Variants in KLHDC9 observed in about 807,000 individuals in gnomAD.
KLHDC9 encodes kelch domain containing 9.
KLHDC9 carries 26 observed loss-of-function variants against 31.5 expected under a neutral mutation model. The observed-to-expected ratio is 0.83, with a 90% CI of 0.61 to 1.15. The LOEUF (loss-of-function observed/expected upper bound fraction) is 1.15. KLHDC9 is among the 50% of genes most tolerant of loss of function. The pLI is 0.00. For synonymous variants in KLHDC9, 176 were observed against 184.7 expected (o/e 0.95, Z 0.38); for missense variants, 437 against 467.7 (o/e 0.93, Z 0.61).
In KLHDC9 at chr1:161,098,413, C is replaced by T. The variant is rs1448440357; in HGVS notation, c.-123C>T. On this transcript the variant is annotated 5_prime_UTR_variant, in exon 1 of 4. Coordinates refer to ENST00000368011, the MANE Select transcript of KLHDC9 (RefSeq NM_152366.5). This position sits in a 1 kb window ranked among gnomAD's most constrained non-coding sequence, Gnocchi z 6.3. ...GAAAGCCGGGACTTGAGGTGGGAAC[C>T]CCGGCTGGCGTCCGGTAGGGGGAGG... 9 of 883,814 alleles carry T rather than the reference C, an allele frequency of 1.0e-5. No homozygotes were observed. The highest frequency in any genetic ancestry group is 2.9e-5 in the East Asian group (1 of 34,464). The allele number at this position is 883,814 out of a possible 1,614,324, so 54.7% of individuals were successfully genotyped here. A position where few individuals can be genotyped will look rare whatever the true frequency, so the allele number is the denominator to read the frequency against.
At position 161,099,738 on chromosome 1, in the gene KLHDC9, AG is replaced by A; in HGVS notation, c.829del (p.Glu277LysfsTer3). The A allele has an allele frequency of 6.2e-7, 1 of 1,614,048 alleles. No homozygotes were observed. The highest frequency in any genetic ancestry group is 8.5e-7 in the Non-Finnish European group (1 of 1,180,008). On this transcript the variant is annotated frameshift_variant, in exon 3 of 4. Coordinates refer to ENST00000368011, the MANE Select transcript of KLHDC9 (RefSeq NM_152366.5). LOFTEE classifies it high-confidence loss of function. ...VGPFAVLFGG[E>X]TLTRARDTIC... ...GGCCCTTTGCTGTGCTGTTTGGTGG[AG>A]AAACTCTGACCAGAGCTAGAGACAC...
chr1:161,098,755 CG>C lies in KLHDC9; in HGVS notation c.224del (p.Gly75AlafsTer33). On this transcript the variant is annotated frameshift_variant, in exon 1 of 4. Transcript: ENST00000368011. LOFTEE classifies it high-confidence loss of function. This position sits in a 1 kb window ranked among gnomAD's most constrained non-coding sequence, Gnocchi z 6.3. ...ARGQAVRLGA[R>X]GSPPRSHHDA... Reference sequence around the variant, plus strand: ...GGGCCAGGCCGTACGATTGGGAGCCCGGGGCAGCCCCCCGCGCAGTCACCAC... The same window carrying C: ...GGGCCAGGCCGTACGATTGGGAGCCCGGGCAGCCCCCCGCGCAGTCACCAC... The C allele has an allele frequency of 6.2e-7, 1 of 1,603,264 alleles. No homozygotes were observed. The highest frequency in any genetic ancestry group is 8.5e-7 in the Non-Finnish European group (1 of 1,174,752).
intron 2 of KLHDC9, 22 bp from the exon 3 acceptor site, chr1:161,099,576 C>G (rs779351519): frequency 6.2e-7 from 1 of 1,614,182 alleles, no homozygotes; most frequent in Non-Finnish European, 8.5e-7. Flanking sequence ...TCTCTTCGGA[C>G]AGTCCTTTCT....
At position 161,098,542 on chromosome 1, in the gene KLHDC9, G is replaced by C. The variant is rs773460547; in HGVS notation, c.7G>C (p.Val3Leu). MA[V>L]AVPPGRAAGS... ...CTCCCTCTCCCCGGGGCCCATGGCG[G>C]TGGCCGTGCCCCCGGGTCGGGCCGC... The change falls in exon 1 of 4, where the codon GTG (valine) becomes CTG (leucine). Residue 3 changes from valine (V) to leucine (L), a missense_variant. Coordinates refer to ENST00000368011, the MANE Select transcript of KLHDC9 (RefSeq NM_152366.5). This position sits in a 1 kb window ranked among gnomAD's most constrained non-coding sequence, Gnocchi z 6.3. The C allele has an allele frequency of 1.9e-6, 3 of 1,551,264 alleles. No homozygotes were observed. In the South Asian group the frequency reaches 3.6e-5, roughly 18 times the overall value.
chr1:161,100,155 C>T lies in KLHDC9; in HGVS notation c.981C>T (p.Tyr327=), dbSNP rs775856615. 1 of 1,614,206 alleles carries T rather than the reference C, an allele frequency of 6.2e-7. No homozygotes were observed. Among genetic ancestry groups the T allele is most frequent in the South Asian group, 1.1e-5 (1 of 91,088 alleles). The change falls in exon 4 of 4, where the codon TAC becomes TAT. Residue 327 remains tyrosine, a synonymous_variant. Coordinates refer to ENST00000368011, the MANE Select transcript of KLHDC9 (RefSeq NM_152366.5). ...CCTGCCTTTGGAATGATCAGCTTTA[C>T]CTGGTTGGGGGTTTTGGTGAGGATG... ...HRTCLWNDQL[Y]LVGGFGEDGR...
rs1029652512 is a variant in KLHDC9, at chr1:161,099,059, A to G, written c.524A>G (p.Tyr175Cys). 1.9e-6 allele frequency: 3 copies of G among 1,596,058 alleles called. No homozygotes were observed. The highest frequency in any genetic ancestry group is 2.7e-5 in the African/African-American group (2 of 74,794). Residue 175 changes from tyrosine (Y) to cysteine (C), a missense_variant, in exon 1 of 4, where the codon TAT becomes TGT. Coordinates refer to ENST00000368011, the MANE Select transcript of KLHDC9 (RefSeq NM_152366.5). ...TLRLDPSARTYCYKQEGCHTA... is the reference protein window; with the variant it reads ...TLRLDPSARTCCYKQEGCHTA... ...AGGCTGGACCCCAGCGCCCGCACCT[A>G]TTGGTATGGCACCCTCCGCCCAAAA...
In KLHDC9 at chr1:161,099,607, C is replaced by T. The variant is rs748413149; in HGVS notation, c.697C>T (p.Pro233Ser). 1 of 1,614,228 alleles carries T rather than the reference C, an allele frequency of 6.2e-7. No homozygotes were observed. Among genetic ancestry groups the T allele is most frequent in the Non-Finnish European group, 8.5e-7 (1 of 1,180,032 alleles). The change falls in exon 3 of 4, where the codon CCT becomes TCT. Residue 233 changes from proline to serine, a missense_variant. Physicochemically the swap from Pro to Ser is moderately conservative, Grantham distance 74 (BLOSUM62 -1). Coordinates refer to ENST00000368011, the MANE Select transcript of KLHDC9 (RefSeq NM_152366.5). The stretch of plus-strand genomic sequence containing the variant: ...TTTCTTTCTCCCCAAGGAGGAACCA[C>T]CTGTTGCTCCTCATTTGATGGAACA... The part of the protein sequence containing the change: ...WSHGKIKEEP[P>S]VAPHLMEQLA...
rs1654416777 is a variant in KLHDC9 at position 161,098,631 on chromosome 1, A to G, written c.96A>G (p.Ser32=). 3 of 1,610,284 alleles carry G rather than the reference A, an allele frequency of 1.9e-6. No individual in the cohort carries two copies. The highest frequency in any genetic ancestry group is 1.7e-5 in the Admixed American group (1 of 59,324). Residue 32 remains serine, a synonymous_variant, in exon 1 of 4, where the codon TCA becomes TCG. Transcript: ENST00000368011. The surrounding 1 kb of genome is among the most constrained non-coding windows in gnomAD (Gnocchi z 6.3). ...CGCTTTTGGCTAGAGCTTTCCATTC[A>G]TGCACCGAACTGCGGGGACGGTTCT... ...RDALLARAFH[S]CTELRGRFYL... is the part of the protein sequence containing the mutation.
chr1:161,098,399 C>CT lies in KLHDC9; in HGVS notation c.-135dup. The CT allele has an allele frequency of 4.1e-6, 3 of 732,284 alleles. No individual in the cohort carries two copies. The highest frequency in any genetic ancestry group is 6.4e-6 in the Non-Finnish European group (3 of 470,030). 45.4% of individuals were successfully genotyped at this position (732,284 alleles called of 1,614,324 possible). On this transcript the variant is annotated 5_prime_UTR_variant, in exon 1 of 4. Coordinates refer to ENST00000368011, the MANE Select transcript of KLHDC9 (RefSeq NM_152366.5). The surrounding 1 kb of genome is among the most constrained non-coding windows in gnomAD (Gnocchi z 6.3). ...GGCGACCACGGAGAGAAAGCCGGGA[C>CT]TTGAGGTGGGAACCCCGGCTGGCGT...
rs1162135427 is a variant in KLHDC9 at position 161,099,024 on chromosome 1, C to A, written c.489C>A (p.Ile163=). Residue 163 remains isoleucine (I), a synonymous_variant, in exon 1 of 4, where the codon ATC becomes ATA. Coordinates refer to ENST00000368011, the MANE Select transcript of KLHDC9 (RefSeq NM_152366.5). Reference sequence around the variant, plus strand: ...ACACTCAGCGACGCTATGGAAGCATCTACACATTAAGGCTGGACCCCAGCG... The same window carrying A: ...ACACTCAGCGACGCTATGGAAGCATATACACATTAAGGCTGGACCCCAGCG... ...GIHTQRRYGS[I]YTLRLDPSAR... is the part of the protein sequence containing the mutation. 6.3e-7 allele frequency: 1 copy of A among 1,597,166 alleles called. No homozygotes were observed. The highest frequency in any genetic ancestry group is 1.1e-5 in the South Asian group (1 of 90,592).
Position 161,098,637 on chromosome 1 carries a change from C to T in KLHDC9, c.102C>T (p.Thr34=), listed in dbSNP as rs575311605. 1.9e-6 allele frequency: 3 copies of T among 1,611,850 alleles called. No homozygotes were observed. Among genetic ancestry groups the T allele is most frequent in the East Asian group, 4.5e-5 (2 of 44,762 alleles). ...ALLARAFHSC[T]ELRGRFYLVG... ...TGGCTAGAGCTTTCCATTCATGCAC[C>T]GAACTGCGGGGACGGTTCTATCTCG... Residue 34 remains threonine, a synonymous_variant, in exon 1 of 4, where the codon ACC becomes ACT. Coordinates refer to ENST00000368011, the MANE Select transcript of KLHDC9 (RefSeq NM_152366.5). The surrounding 1 kb of genome is among the most constrained non-coding windows in gnomAD (Gnocchi z 6.3).
chr1:161,098,771 G>A lies in KLHDC9; in HGVS notation c.236G>A (p.Arg79His). 1 of 1,599,208 alleles carries A rather than the reference G, an allele frequency of 6.3e-7. No individual in the cohort carries two copies. The highest frequency in any genetic ancestry group is 8.5e-7 in the Non-Finnish European group (1 of 1,172,730). The change falls in exon 1 of 4, where the codon CGC (arginine) becomes CAC (histidine). Residue 79 changes from arginine to histidine, a missense_variant. Transcript: ENST00000368011. This position sits in a 1 kb window ranked among gnomAD's most constrained non-coding sequence, Gnocchi z 6.3. ...VRLGARGSPPRSHHDAAPVDG... is the reference protein window; with the variant it reads ...VRLGARGSPPHSHHDAAPVDG... Reference sequence around the variant, plus strand: ...TTGGGAGCCCGGGGCAGCCCCCCGCGCAGTCACCACGACGCGGCACCCGTG... The same window carrying A: ...TTGGGAGCCCGGGGCAGCCCCCCGCACAGTCACCACGACGCGGCACCCGTG...
intron 1 of KLHDC9, 117 bp downstream of exon 1, chr1:161,099,179 G>A: frequency 7.5e-7 from 1 of 1,336,124 alleles, no homozygotes; most frequent in South Asian, 1.2e-5. Flanking sequence ...CTCCTTCCAG[G>A]GGAACCTACC....
In KLHDC9 at chr1:161,098,915, G is replaced by A; in HGVS notation, c.380G>A (p.Cys127Tyr). The A allele has an allele frequency of 6.4e-7, 1 of 1,566,602 alleles. No homozygotes were observed. ...WEAWTGTPGDCPPAGLSSHTC... is the reference protein window; with the variant it reads ...WEAWTGTPGDYPPAGLSSHTC... ...GCGTGGACAGGGACCCCTGGTGACT[G>A]CCCCCCCGCCGGCCTCAGTAGTCAC... The change falls in exon 1 of 4, where the codon TGC becomes TAC. Residue 127 changes from cysteine (C) to tyrosine (Y), a missense_variant. Transcript: ENST00000368011. The surrounding 1 kb of genome is among the most constrained non-coding windows in gnomAD (Gnocchi z 6.3).
At position 161,099,430 on chromosome 1, in the gene KLHDC9, T is replaced by G; in HGVS notation, c.612T>G (p.His204Gln). 1.2e-6 allele frequency: 2 copies of G among 1,614,262 alleles called. No homozygotes were observed. The highest frequency in any genetic ancestry group is 1.7e-6 in the Non-Finnish European group (2 of 1,180,040). The change falls in exon 2 of 4, where the codon CAT becomes CAG. Residue 204 changes from histidine (H) to glutamine (Q), a missense_variant. Physicochemically the swap from His to Gln is conservative, Grantham distance 24. Transcript: ENST00000368011. ...LLQTPGPHPGHQLLLFGGCNL... is the reference protein window; with the variant it reads ...LLQTPGPHPGQQLLLFGGCNL... ...AAACTCCTGGACCCCATCCAGGTCA[T>G]CAGCTATTGCTCTTTGGAGGTTGCA...
At chr1:161,099,159 C>T in intron 1 of KLHDC9, 97 bp downstream of exon 1, 1 of 1,372,632 alleles carries the variant, frequency 7.3e-7, no homozygotes, top group Non-Finnish European at 1.0e-6. Flanking sequence ...CACCTCCTCA[C>T]TCTAGCACCC....
In KLHDC9 at chr1:161,100,150, C is replaced by G. The variant is rs1245995776; in HGVS notation, c.976C>G (p.Leu326Val). Reference sequence around the variant, plus strand: ...TCGCACCTGCCTTTGGAATGATCAGCTTTACCTGGTTGGGGGTTTTGGTGA... The same window carrying G: ...TCGCACCTGCCTTTGGAATGATCAGGTTTACCTGGTTGGGGGTTTTGGTGA... ...GHRTCLWNDQ[L>V]YLVGGFGEDG... The change falls in exon 4 of 4, where the codon CTT becomes GTT. Residue 326 changes from leucine to valine, a missense_variant. Leu to Val is a conservative substitution (Grantham distance 32, BLOSUM62 1). Transcript: ENST00000368011. 1.2e-6 allele frequency: 2 copies of G among 1,614,234 alleles called. No individual in the cohort carries two copies. Among genetic ancestry groups the G allele is most frequent in the South Asian group, 2.2e-5 (2 of 91,088 alleles).
At chr1:161,099,267 C>G in intron 1 of KLHDC9, 79 bp from the exon 2 acceptor site, 1 of 1,546,824 alleles carries the variant, frequency 6.5e-7, no homozygotes, top group Non-Finnish European at 8.9e-7. Flanking sequence ...TGCCTCTTCT[C>G]CATCCATCCT....
In KLHDC9 at chr1:161,099,050, C is replaced by A. The variant is rs764400436; in HGVS notation, c.515C>A (p.Ala172Asp). The A allele has an allele frequency of 6.3e-7, 1 of 1,596,536 alleles. No individual in the cohort carries two copies. The highest frequency in any genetic ancestry group is 1.1e-5 in the South Asian group (1 of 90,568). Residue 172 changes from alanine (A) to aspartate (D), a missense_variant, in exon 1 of 4, where the codon GCC (alanine) becomes GAC (aspartate). By Grantham distance (126) the Ala-to-Asp change is moderately radical (BLOSUM62 -2). Transcript: ENST00000368011. Reference sequence around the variant, plus strand: ...TACACATTAAGGCTGGACCCCAGCGCCCGCACCTATTGGTATGGCACCCTC... The same window carrying A: ...TACACATTAAGGCTGGACCCCAGCGACCGCACCTATTGGTATGGCACCCTC... ...SIYTLRLDPSARTYCYKQEGC... is the reference protein window; with the variant it reads ...SIYTLRLDPSDRTYCYKQEGC...
Sources: allele counts gnomAD v4.1 joint callset, GRCh38; gene constraint gnomAD v4.1.1; non-coding constraint Gnocchi (gnomAD v3.1); transcripts MANE v1.5; gene names NCBI Gene and HGNC (gene_info 2026-07-23, HGNC 2026-07-21).